Variants in HCN1 observed in about 807,000 individuals in gnomAD.
HCN1 encodes hyperpolarization activated cyclic nucleotide gated potassium channel 1, also known as potassium/sodium hyperpolarization-activated cyclic nucleotide-gated channel 1.
Under a neutral mutation model 78.9 loss-of-function variants are expected in HCN1, and 13 were observed. The observed-to-expected ratio is 0.16, with a 90% CI of 0.11 to 0.26. HCN1 has a LOEUF of 0.26. Among genes scored for constraint, HCN1 ranks in the 10% least tolerant of loss-of-function variants. The pLI, the probability that HCN1 is intolerant of heterozygous loss-of-function variation, is 1.00. For synonymous variants in HCN1, 552 were observed against 455.5 expected (o/e 1.21, Z -2.70); for missense variants, 810 against 1,154.3 (o/e 0.70, Z 4.32).
intron 4 of HCN1, 125 bp from the exon 5 acceptor site, chr5:45,353,371 AAGATG>A: frequency 1.4e-6 from 1 of 722,086 alleles, no homozygotes; most frequent in African/African-American, 1.8e-5. Context: ...GAAATCCTTT[AAGATG>A]AAGGAACTAA....
chr5:45,290,993 C>T (rs766366417), intron 6 of HCN1, among the ~76,000 whole-genome samples: 2 of 151,816 alleles, frequency 1.3e-5, no homozygotes, highest in Non-Finnish European at 2.9e-5. Context: ...TCATTGTGTC[C>T]ATCAGAAAGC....
At chr5:45,350,822 C>A (rs1476628231) in intron 5 of HCN1, among the ~76,000 whole-genome samples, 1 of 151,982 alleles carries the variant, frequency 6.6e-6, no homozygotes, top group East Asian at 1.9e-4. Flanking sequence ...TTACAAGGGA[C>A]GTGAAGGACC....
chr5:45,340,401 C>T (rs1326927700), intron 5 of HCN1, among the ~76,000 whole-genome samples: 1 of 152,104 alleles, frequency 6.6e-6, no homozygotes, highest in Non-Finnish European at 1.5e-5. Context: ...AGATTTTATT[C>T]TGGAATCCTA....
intron 5 of HCN1, among the ~76,000 whole-genome samples, chr5:45,310,990 A>G (rs1745841322): frequency 6.6e-6 from 1 of 152,132 alleles, no homozygotes; most frequent in South Asian, 2.1e-4. Context: ...ACAGAGAGGA[A>G]CAACACATAC....
chr5:45,374,141 ATAT>A (rs1363374289), intron 4 of HCN1, among the ~76,000 whole-genome samples: 2 of 117,476 alleles, frequency 1.7e-5, no homozygotes, highest in East Asian at 2.2e-4. Context: ...TATTATATAC[ATAT>A]TATATATAAT....
chr5:45,493,787 T>A (rs896272925), intron 2 of HCN1, among the ~76,000 whole-genome samples: 2 of 146,998 alleles, frequency 1.4e-5, no homozygotes, highest in African/African-American at 5.1e-5. Context: ...AGTGTGATGT[T>A]CCCCTTCCTG....
chr5:45,630,763 T>A (rs1374677301), intron 2 of HCN1, among the ~76,000 whole-genome samples: 1 of 152,174 alleles, frequency 6.6e-6, no homozygotes, highest in Non-Finnish European at 1.5e-5. Flanking sequence ...ACTTTCTCCC[T>A]GGAGCCTTCC....
chr5:45,529,971 A>G (rs972316936), intron 2 of HCN1, among the ~76,000 whole-genome samples: 5 of 152,136 alleles, frequency 3.3e-5, no homozygotes, highest in African/African-American at 1.2e-4. Flanking sequence ...AAAGATATGT[A>G]ACATGCTTCT....
At chr5:45,654,263 C>T (rs918197832) in intron 1 of HCN1, among the ~76,000 whole-genome samples, 3 of 152,072 alleles carry the variant, frequency 2.0e-5, no homozygotes, top group Non-Finnish European at 4.4e-5. Flanking sequence ...TTAAGAACAT[C>T]TATCCTGTAG....
At chr5:45,530,927 C>T (rs530769447) in intron 2 of HCN1, among the ~76,000 whole-genome samples, 75 of 152,040 alleles carry the variant, frequency 4.9e-4, no homozygotes, top group Middle Eastern at 6.8e-3. Flanking sequence ...GGAAAAGAAG[C>T]AAGGATAGAC....
intron 2 of HCN1, among the ~76,000 whole-genome samples, chr5:45,531,405 T>C (rs1012341384): frequency 9.9e-5 from 15 of 152,178 alleles, no homozygotes; most frequent in Non-Finnish European, 1.5e-5. Flanking sequence ...GACTCCTCTG[T>C]TGCTATTGCC....
At chr5:45,535,527 G>A (rs2449573) in intron 2 of HCN1, among the ~76,000 whole-genome samples, 3 of 152,136 alleles carry the variant, frequency 2.0e-5, no homozygotes, top group African/African-American at 7.2e-5. Context: ...GAACCTGGGA[G>A]GTGGAGGTTG....
intron 2 of HCN1, among the ~76,000 whole-genome samples, chr5:45,587,297 C>T (rs1744251295): frequency 6.6e-6 from 1 of 152,124 alleles, no homozygotes; most frequent in African/African-American, 2.4e-5. Context: ...TTGGAACCAA[C>T]CCAAATGCCC....
intron 4 of HCN1, among the ~76,000 whole-genome samples, chr5:45,354,124 G>A (rs1746965029): frequency 1.3e-5 from 2 of 151,782 alleles, no homozygotes; most frequent in African/African-American, 2.4e-5. Context: ...TATAAGCATG[G>A]ATATTACCTG....
At chr5:45,444,637 T>G (rs1199196343) in intron 3 of HCN1, among the ~76,000 whole-genome samples, 1 of 152,146 alleles carries the variant, frequency 6.6e-6, no homozygotes, top group Non-Finnish European at 1.5e-5. Flanking sequence ...ATCCATTCTC[T>G]TAGGCTAAGT....
In HCN1 at chr5:45,482,688, G is replaced by T. The variant is rs1741678587; in HGVS notation, c.850-20681C>A. Reference sequence around the variant, plus strand: ...CATTGGAATATTTCATGGTGCTAAGGCTTGGAATATGAATCCCGTCACCCA... The same window carrying T: ...CATTGGAATATTTCATGGTGCTAAGTCTTGGAATATGAATCCCGTCACCCA... On this transcript the variant is annotated intron_variant, in intron 2 of 7. Coordinates refer to ENST00000303230, the MANE Select transcript of HCN1 (RefSeq NM_021072.4). Among the ~76,000 whole-genome samples the T allele has an allele frequency of 2.0e-5, 3 of 152,022 alleles. No homozygotes were observed. The South Asian group carries it at 6.2e-4, about 32-fold the overall frequency.
intron 3 of HCN1, among the ~76,000 whole-genome samples, chr5:45,449,031 T>C (rs1276847565): frequency 1.3e-5 from 2 of 152,138 alleles, no homozygotes; most frequent in Non-Finnish European, 2.9e-5. Flanking sequence ...TGAGAATTGC[T>C]TGAGCCCACG....
intron 4 of HCN1, among the ~76,000 whole-genome samples, chr5:45,379,024 A>G: frequency 6.6e-6 from 1 of 152,054 alleles, no homozygotes; most frequent in Non-Finnish European, 1.5e-5. Context: ...TCTATCATTG[A>G]TGGACATTTG....
chr5:45,505,560 G>T (rs1268992579), intron 2 of HCN1, among the ~76,000 whole-genome samples: 10 of 152,030 alleles, frequency 6.6e-5, no homozygotes, highest in African/African-American at 2.4e-4. Flanking sequence ...TGTTCTTTTG[G>T]CTTAGGATTG....
Sources: gnomAD v4.1 joint callset for allele counts (sites outside exome capture counted in the v4.1 genomes callset) on GRCh38, gnomAD v4.1.1 for gene constraint, MANE v1.5 for transcripts, NCBI Gene and HGNC (gene_info 2026-07-23, HGNC 2026-07-21) for gene names.